Variants in FHIP1A observed in about 807,000 individuals in gnomAD.
FHIP1A encodes the protein FHF complex subunit HOOK-interacting protein 1A.
A neutral mutation model predicts 88.6 loss-of-function variants in FHIP1A; 61 were observed. That is an observed-to-expected ratio of 0.69 (90% CI 0.56 to 0.85). The LOEUF (loss-of-function observed/expected upper bound fraction) is 0.85. Among genes scored for constraint, FHIP1A ranks in the 40% least tolerant of loss-of-function variants. The probability of loss-of-function intolerance (pLI) is 0.00; values close to 1 mark genes in which losing one functional copy is unlikely to be tolerated. For synonymous variants in FHIP1A, 478 were observed against 496.0 expected (o/e 0.96, Z 0.48); for missense variants, 1,154 against 1,273.5 (o/e 0.91, Z 1.43).
intron 1 of FHIP1A, among the ~76,000 whole-genome samples, chr4:151,423,017 C>T (rs1733234466): frequency 6.6e-6 from 1 of 152,190 alleles, no homozygotes; most frequent in African/African-American, 2.4e-5. Context: ...TGATCAATAA[C>T]TATTAGTGTC....
chr4:151,483,951 A>G (rs1262962357), intron 3 of FHIP1A, among the ~76,000 whole-genome samples: 2 of 152,168 alleles, frequency 1.3e-5, no homozygotes, highest in Admixed American at 6.5e-5. Flanking sequence ...AAGATTTAAT[A>G]ATTGTTAATA....
chr4:151,410,227 A>G (rs1732561616), intron 1 of FHIP1A, among the ~76,000 whole-genome samples: 2 of 152,226 alleles, frequency 1.3e-5, no homozygotes, highest in Admixed American at 1.3e-4. Context: ...GGACCCACCC[A>G]TTCACAGCAG....
rs913122916 is a variant in FHIP1A at position 151,418,776 on chromosome 4, A to G, written c.-356+9311A>G. On this transcript the variant is annotated intron_variant, in intron 1 of 13. Transcript: ENST00000435205. ...CATCAAAGTAAACCATAAGGAGTTG[A>G]GAGTAACTCTGCATCTTAATTGCCT... Among the ~76,000 whole-genome samples the G allele has an allele frequency of 3.9e-5, 6 of 152,256 alleles. No homozygotes were observed. In the East Asian group the frequency reaches 1.2e-3, roughly 29 times the overall value.
rs941338890 is a variant in FHIP1A at position 151,665,607 on chromosome 4, C to T, written c.*2853C>T. On this transcript the variant is annotated 3_prime_UTR_variant, in exon 14 of 14. Coordinates refer to ENST00000435205, the MANE Select transcript of FHIP1A (RefSeq NM_001109977.3). ...AACAGCAGAGAACTGAGTCTATCCA[C>T]GGGAGAAGAGCAAATCCTGCACGAT... Among the ~76,000 whole-genome samples, 4 of 152,026 alleles carry T rather than the reference C, an allele frequency of 2.6e-5. No individual in the cohort carries two copies. Among genetic ancestry groups the T allele is most frequent in the African/African-American group, 4.8e-5 (2 of 41,364 alleles).
intron 7 of FHIP1A, among the ~76,000 whole-genome samples, chr4:151,612,054 T>C (rs1735342387): frequency 6.6e-6 from 1 of 152,196 alleles, no homozygotes; most frequent in African/African-American, 2.4e-5. Context: ...TTCCAGTTCC[T>C]CATTTTTCAG....
chr4:151,618,338 G>A (rs1437634805), intron 7 of FHIP1A, among the ~76,000 whole-genome samples: 2 of 152,170 alleles, frequency 1.3e-5, no homozygotes, highest in Non-Finnish European at 2.9e-5. Context: ...GTAACAGAGA[G>A]GGTAGATCAT....
At chr4:151,466,267 CT>C (rs1729311653) in intron 2 of FHIP1A, among the ~76,000 whole-genome samples, 1 of 152,116 alleles carries the variant, frequency 6.6e-6, no homozygotes, top group African/African-American at 2.4e-5. Context: ...AGGAGTACAA[CT>C]TACAAGGGAC....
intron 9 of FHIP1A, among the ~76,000 whole-genome samples, chr4:151,639,579 A>G (rs10022023): frequency 0.32 from 48,581 of 152,066 alleles, 7,790 homozygotes; most frequent in Non-Finnish European, 0.33. Flanking sequence ...CATGGTGTAC[A>G]TCTTTCCTTC....
In FHIP1A at chr4:151,543,957, T is replaced by G. The variant is rs183774406; in HGVS notation, c.-122-22181T>G. ...CTCTAGGGTGTTTCAAGGCACTGAT[T>G]GATTGTGAAAATTTTGATGCATCTT... On this transcript the variant is annotated intron_variant, in intron 3 of 13. Transcript: ENST00000435205. Among the ~76,000 whole-genome samples, 218 of 152,300 alleles carry G rather than the reference T, an allele frequency of 1.4e-3. 1 individual carries two copies. Among genetic ancestry groups the G allele is most frequent in the African/African-American group, 4.7e-3 (194 of 41,568 alleles).
At chr4:151,542,919 A>T (rs1732350946) in intron 3 of FHIP1A, among the ~76,000 whole-genome samples, 1 of 152,204 alleles carries the variant, frequency 6.6e-6, no homozygotes, top group African/African-American at 2.4e-5. Flanking sequence ...CATCCTTCAT[A>T]TACTTCTGAG....
intron 3 of FHIP1A, among the ~76,000 whole-genome samples, chr4:151,507,681 A>G (rs1186044872): frequency 1.3e-5 from 2 of 152,014 alleles, no homozygotes; most frequent in Non-Finnish European, 2.9e-5. Flanking sequence ...AATGTTTTCG[A>G]TATTTATTTT....
chr4:151,538,534 G>T (rs554211592), intron 3 of FHIP1A, among the ~76,000 whole-genome samples: 9 of 152,252 alleles, frequency 5.9e-5, no homozygotes, highest in Non-Finnish European at 1.2e-4. Context: ...TGGTTCTTAG[G>T]AATGCTAAAG....
Position 151,490,669 on chromosome 4 carries a change from A to T in FHIP1A, c.-123+8021A>T, listed in dbSNP as rs553455723. ...AAGAAATCTCTGAATTGCTAGATGA[A>T]GAATTCAGAAGGTTGATTATTAATC... On this transcript the variant is annotated intron_variant, in intron 3 of 13. Transcript: ENST00000435205. Among the ~76,000 whole-genome samples, 4 of 152,310 alleles carry T rather than the reference A, an allele frequency of 2.6e-5. No homozygotes were observed. In the South Asian group the frequency reaches 8.3e-4, roughly 32 times the overall value.
rs116237031 is a variant in FHIP1A at position 151,417,023 on chromosome 4, G to A, written c.-356+7558G>A. Among the ~76,000 whole-genome samples, 903 of 152,266 alleles carry A rather than the reference G, an allele frequency of 5.9e-3. 9 individuals are homozygous for A. The highest frequency in any genetic ancestry group is 0.02 in the African/African-American group (841 of 41,546). ...TGGTCTTAAACTCCCCGGCCCAAGA[G>A]ATTCCCCTGTCTTGGCCTCCCAAAG... is the stretch of plus-strand genomic sequence containing the variant. On this transcript the variant is annotated intron_variant, in intron 1 of 13. Transcript: ENST00000435205.
chr4:151,650,302 A>G lies in FHIP1A; in HGVS notation c.2261A>G (p.Gln754Arg), dbSNP rs1050316962. The G allele has an allele frequency of 1.3e-6, 2 of 1,551,748 alleles. No individual in the cohort carries two copies. Among genetic ancestry groups the G allele is most frequent in the South Asian group, 2.4e-5 (2 of 84,060 alleles). The change falls in exon 11 of 14, where the codon CAG (glutamine) becomes CGG (arginine). Residue 754 changes from glutamine (Q) to arginine (R), a missense_variant. By Grantham distance (43) the Gln-to-Arg change is conservative (BLOSUM62 1). Transcript: ENST00000435205. ...CCGGAGAGCGAGGAGCTCATTGCCC[A>G]GTATGACCAAATCATTAAAGAGCTG... ...AHPESEELIA[Q>R]YDQIIKELDS...
At chr4:151,577,382 CAGT>C in intron 4 of FHIP1A, 65 bp from the exon 5 acceptor site, 1 of 1,418,922 alleles carries the variant, frequency 7.0e-7, no homozygotes, top group Non-Finnish European at 9.4e-7. Flanking sequence ...TTGGTAAAAT[CAGT>C]GGTGATATGT....
At chr4:151,488,661 A>G (rs1396589117) in intron 3 of FHIP1A, among the ~76,000 whole-genome samples, 2 of 152,220 alleles carry the variant, frequency 1.3e-5, no homozygotes, top group Admixed American at 1.3e-4. Context: ...ATACCCAGTA[A>G]TGGGATTGCA....
At chr4:151,447,730 G>A (rs1452192618) in intron 1 of FHIP1A, among the ~76,000 whole-genome samples, 1 of 152,122 alleles carries the variant, frequency 6.6e-6, no homozygotes, top group Non-Finnish European at 1.5e-5. Context: ...TCATGAGGGT[G>A]GCCCTTCATT....
intron 5 of FHIP1A, among the ~76,000 whole-genome samples, chr4:151,583,254 A>G (rs1734089385): frequency 6.6e-6 from 1 of 152,240 alleles, no homozygotes; most frequent in Non-Finnish European, 1.5e-5. Context: ...TTTATTCCGC[A>G]GAATATTTTC....
Sources: allele counts gnomAD v4.1 joint callset (sites outside exome capture counted in the v4.1 genomes callset), GRCh38; gene constraint gnomAD v4.1.1; transcripts MANE v1.5; gene names NCBI Gene and HGNC (gene_info 2026-07-23, HGNC 2026-07-21).